Variants in CNTRL observed in about 807,000 individuals in gnomAD.
CNTRL encodes centriolin, also known as 110 kDa centrosomal protein.
In CNTRL, 233 loss-of-function variants were observed where a neutral mutation model predicts 303.7. The ratio of observed to expected loss-of-function variants is 0.77; its 90% CI spans 0.69 to 0.86. The LOEUF is 0.86. Among genes scored for constraint, CNTRL ranks in the 40% least tolerant of loss-of-function variants. The pLI, the probability that CNTRL is intolerant of heterozygous loss-of-function variation, is 0.00. For synonymous variants in CNTRL, 900 were observed against 922.2 expected (o/e 0.98, Z 0.44); for missense variants, 2,524 against 2,650.6 (o/e 0.95, Z 1.05).
chr9:121,091,897 T>A lies in CNTRL; in HGVS notation c.348+1492T>A, dbSNP rs1338690449. Among the ~76,000 whole-genome samples the A allele has an allele frequency of 1.1e-4, 16 of 145,742 alleles. No homozygotes were observed. The South Asian group carries it at 2.7e-3, about 24-fold the overall frequency. On this transcript the variant is annotated intron_variant, in intron 4 of 43. Transcript: ENST00000373855. ...GTGAGGTCTTCTCTTTTTTTTTTTT[T>A]TTTTTTTTTGAGACAGGGTCTCACT...
chr9:121,096,388 C>CTCACTAAATTTTATTTTA (rs775866159), intron 5 of CNTRL, 34 bp from the exon 6 acceptor site: 1 of 1,389,694 alleles, frequency 7.2e-7, no homozygotes, highest in East Asian at 2.4e-5. Context: ...TATAATTGTA[C>CTCACTAAATTTTATTTTA]TCACTAAATT....
Position 121,171,055 on chromosome 9 carries a change from TA to T in CNTRL, c.6277-351del, listed in dbSNP as rs944119948. ...GTGTCTCTCAAAGGGGATACGCTGA[TA>T]ACTAGTGATAGGCAGATCGTCATAA... On this transcript the variant is annotated intron_variant, in intron 39 of 43. Transcript: ENST00000373855. Among the ~76,000 whole-genome samples, 13 of 152,302 alleles carry T rather than the reference TA, an allele frequency of 8.5e-5. No homozygotes were observed. In the East Asian group the frequency reaches 2.5e-3, roughly 29 times the overall value.
intron 4 of CNTRL, among the ~76,000 whole-genome samples, chr9:121,093,954 C>T (rs1300850531): frequency 1.3e-5 from 2 of 151,924 alleles, no homozygotes; most frequent in Non-Finnish European, 1.5e-5. Flanking sequence ...ACTAAAAATA[C>T]AAAAAATTAA....
chr9:121,088,692 AGTT>A (rs1177556452), intron 3 of CNTRL, 149 bp downstream of exon 3: 1 of 600,132 alleles, frequency 1.7e-6, no homozygotes, highest in Admixed American at 3.1e-5. Flanking sequence ...CTGTAAGGAC[AGTT>A]GGAGGATTGA....
intron 15 of CNTRL, among the ~76,000 whole-genome samples, chr9:121,138,332 T>G (rs888513647): frequency 1.3e-5 from 2 of 152,214 alleles, no homozygotes; most frequent in African/African-American, 4.8e-5. Flanking sequence ...GAGCTGATTC[T>G]GATGCTTACT....
At chr9:121,173,938 G>C (rs889266939) in intron 42 of CNTRL, among the ~76,000 whole-genome samples, 6 of 152,186 alleles carry the variant, frequency 3.9e-5, no homozygotes, top group African/African-American at 1.4e-4. Flanking sequence ...ATGACTTCTT[G>C]TGTTGACTCC....
intron 8 of CNTRL, among the ~76,000 whole-genome samples, 159 bp downstream of exon 8, chr9:121,108,154 A>G (rs538194788): frequency 2.6e-5 from 4 of 152,318 alleles, no homozygotes; most frequent in Admixed American, 6.5e-5. Context: ...ACTGTGTGCT[A>G]GATGATATGG....
rs1554765688 is a variant in CNTRL, at chr9:121,165,087, ACAG to A, written c.5573_5575del (p.Gln1858del). On this transcript the variant is annotated inframe_deletion, in exon 35 of 44. Transcript: ENST00000373855. ...TGCATAACGACATTTCAGCAATGCAACAGCAGCTCCAAGGTATAAGGCAGCAAA... is the reference window on the plus strand; with the variant it reads ...TGCATAACGACATTTCAGCAATGCAACAGCTCCAAGGTATAAGGCAGCAAA... 6.3e-7 allele frequency: 1 copy of A among 1,589,020 alleles called. No individual in the cohort carries two copies. Among genetic ancestry groups the A allele is most frequent in the Non-Finnish European group, 8.5e-7 (1 of 1,169,916 alleles).
intron 2 of CNTRL, among the ~76,000 whole-genome samples, chr9:121,080,974 T>C (rs2048115532): frequency 6.6e-6 from 1 of 152,204 alleles, no homozygotes; most frequent in South Asian, 2.1e-4. Flanking sequence ...TGCTTAGGAT[T>C]AGTGAAGTGT....
In CNTRL at chr9:121,088,508, A is replaced by G. The variant is rs376813167; in HGVS notation, c.182A>G (p.Glu61Gly). The G allele has an allele frequency of 2.7e-5, 44 of 1,611,266 alleles. No homozygotes were observed. The African/African-American group carries it at 5.5e-4, about 20-fold the overall frequency. Residue 61 changes from glutamate to glycine, a missense_variant, in exon 3 of 44, where the codon GAA (glutamate) becomes GGA (glycine). Coordinates refer to ENST00000373855, the MANE Select transcript of CNTRL (RefSeq NM_007018.6). ...QWCEQVEIAD[E>G]NNMLLDYQDH... ...TGTGAGCAAGTTGAGATTGCAGATG[A>G]AAACAATATGCTTTTGGACTATCAA...
intron 12 of CNTRL, chr9:121,121,986 TAAAAGG>T (rs1422237208): frequency 2.2e-6 from 2 of 929,912 alleles, no homozygotes; most frequent in Non-Finnish European, 2.6e-6. Flanking sequence ...ACAAAGGACT[TAAAAGG>T]AGGAGGAGTC....
chr9:121,142,548 C>T (rs997781502), intron 19 of CNTRL, among the ~76,000 whole-genome samples: 3 of 152,222 alleles, frequency 2.0e-5, no homozygotes, highest in African/African-American at 2.4e-5. Context: ...AGGAGTTTGA[C>T]TCCTTTGAAA....
At position 121,094,959 on chromosome 9, in the gene CNTRL, T is replaced by A. The variant is rs2048826706; in HGVS notation, c.420T>A (p.Ile140=). ...LNLSYNLIGK[I]EKLDKLLKLR... The stretch of plus-strand genomic sequence containing the variant: ...TCAGCTATAATCTAATAGGGAAGAT[T>A]GAAAAGTTGGACAAGCTGTTAAAAT... Residue 140 remains isoleucine, a synonymous_variant, in exon 5 of 44, where the codon ATT becomes ATA. Coordinates refer to ENST00000373855, the MANE Select transcript of CNTRL (RefSeq NM_007018.6). The A allele has an allele frequency of 6.2e-7, 1 of 1,605,832 alleles. No individual in the cohort carries two copies. Among genetic ancestry groups the A allele is most frequent in the African/African-American group, 1.3e-5 (1 of 74,720 alleles).
chr9:121,151,286 A>T (rs540277288), intron 25 of CNTRL, among the ~76,000 whole-genome samples: 2 of 151,990 alleles, frequency 1.3e-5, no homozygotes, highest in South Asian at 4.1e-4. Context: ...ATTTGTAGGT[A>T]CTGTAGCTGA....
rs1226833164 is a variant in CNTRL, at chr9:121,153,647, T to TA, written c.4172+955dup. Among the ~76,000 whole-genome samples, 16 of 152,348 alleles carry TA rather than the reference T, an allele frequency of 1.1e-4. No homozygotes were observed. In the East Asian group the frequency reaches 2.3e-3, roughly 22 times the overall value. ...CATCTCTGTGTCCCAGCACCTGTCA[T>TA]AGGGTCACTTAGTGAATGCAGCATC... On this transcript the variant is annotated intron_variant, in intron 26 of 43. Coordinates refer to ENST00000373855, the MANE Select transcript of CNTRL (RefSeq NM_007018.6).
chr9:121,162,151 T>C lies in CNTRL; in HGVS notation c.5303T>C (p.Ile1768Thr), dbSNP rs1448487186. The C allele has an allele frequency of 1.9e-6, 3 of 1,613,950 alleles. No individual in the cohort carries two copies. Among genetic ancestry groups the C allele is most frequent in the South Asian group, 1.1e-5 (1 of 91,080 alleles). The change falls in exon 34 of 44, where the codon ATA (isoleucine) becomes ACA (threonine). Residue 1768 changes from isoleucine to threonine, a missense_variant. By Grantham distance (89) the Ile-to-Thr change is moderately conservative (BLOSUM62 -1). Coordinates refer to ENST00000373855, the MANE Select transcript of CNTRL (RefSeq NM_007018.6). ...CTCCTTGAGAGGGATAAACGAGAAA[T>C]AGAACGAATGACTGCTGAGTCCCGA... ...KQLLERDKRE[I>T]ERMTAESRAL...
chr9:121,158,696 AT>A (rs1338080837), intron 30 of CNTRL, 158 bp from the exon 31 acceptor site: 7 of 659,462 alleles, frequency 1.1e-5, no homozygotes, highest in Non-Finnish European at 1.3e-5. Context: ...CAAGGTTTTC[AT>A]TAGGCATTTC....
rs1169279223 is a variant in CNTRL, at chr9:121,171,396, C to T, written c.6277-12C>T. ...GTTAGATCGCAGAGTTATTTTCTTC[C>T]TCCTGTGCTAGGAGCAAAAACAGGA... On this transcript the variant is annotated splice_polypyrimidine_tract_variant and intron_variant, in intron 39 of 43. Coordinates refer to ENST00000373855, the MANE Select transcript of CNTRL (RefSeq NM_007018.6). 4 of 1,613,608 alleles carry T rather than the reference C, an allele frequency of 2.5e-6. No homozygotes were observed. The highest frequency in any genetic ancestry group is 1.3e-5 in the African/African-American group (1 of 74,900).
intron 14 of CNTRL, among the ~76,000 whole-genome samples, chr9:121,134,290 A>ATT (rs1357821014): frequency 2.0e-5 from 2 of 97,882 alleles, no homozygotes; most frequent in Non-Finnish European, 4.0e-5. Flanking sequence ...TAATATCATT[A>ATT]TTATTTTTTT....
Sources: gnomAD v4.1 joint callset for allele counts (sites outside exome capture counted in the v4.1 genomes callset) on GRCh38, gnomAD v4.1.1 for gene constraint, MANE v1.5 for transcripts, NCBI Gene and HGNC (gene_info 2026-07-23, HGNC 2026-07-21) for gene names.